Variants in MGAT4C observed in about 807,000 individuals in gnomAD.
The protein encoded by MGAT4C is MGAT4 family member C.
Under a neutral mutation model 40.1 loss-of-function variants are expected in MGAT4C, and 19 were observed. That is an observed-to-expected ratio of 0.47 (90% CI 0.33 to 0.70). MGAT4C has a LOEUF of 0.70. MGAT4C is among the 30% of genes least tolerant of loss of function. The probability of loss-of-function intolerance (pLI) is 0.02; values close to 1 mark genes in which losing one functional copy is unlikely to be tolerated. For synonymous variants in MGAT4C, 181 were observed against 187.1 expected, an observed-to-expected ratio of 0.97 and a Z score of 0.27; for missense variants, 491 against 563.2, an observed-to-expected ratio of 0.87 and a Z score of 1.30.
At chr12:86,806,440 G>A (rs1379931277) in intron 1 of MGAT4C, among the ~76,000 whole-genome samples, 1 of 90,380 alleles carries the variant, frequency 1.1e-5, no homozygotes, top group African/African-American at 3.1e-5. Flanking sequence ...CTGTGTGTGT[G>A]TGTGTGTGTG....
At chr12:86,398,483 G>A (rs1438862906) in intron 3 of MGAT4C, among the ~76,000 whole-genome samples, 1 of 151,848 alleles carries the variant, frequency 6.6e-6, no homozygotes, top group Non-Finnish European at 1.5e-5. Flanking sequence ...TACTATCATA[G>A]TATATTAACA....
intron 3 of MGAT4C, among the ~76,000 whole-genome samples, chr12:86,421,113 T>C (rs542849743): frequency 1.3e-5 from 2 of 152,208 alleles, no homozygotes; most frequent in East Asian, 1.9e-4. Flanking sequence ...AAGTAGAATA[T>C]ACACCTTTAA....
intron 1 of MGAT4C, among the ~76,000 whole-genome samples, chr12:86,828,826 A>G (rs1246182966): frequency 1.3e-5 from 2 of 151,584 alleles, no homozygotes; most frequent in African/African-American, 4.8e-5. Context: ...AGAGAAAAAA[A>G]GGAGACTAGT....
chr12:86,438,654 T>C (rs555279064), intron 2 of MGAT4C, among the ~76,000 whole-genome samples: 1 of 152,022 alleles, frequency 6.6e-6, no homozygotes, highest in Admixed American at 6.6e-5. Context: ...ATTATATAAA[T>C]GCTCCACTTA....
intron 2 of MGAT4C, among the ~76,000 whole-genome samples, chr12:86,488,701 C>A (rs1028997732): frequency 5.3e-4 from 80 of 152,210 alleles, no homozygotes; most frequent in African/African-American, 1.7e-3. Flanking sequence ...TTATTCTTCA[C>A]AACATTGCAC....
intron 3 of MGAT4C, among the ~76,000 whole-genome samples, chr12:86,376,109 T>C (rs1393312540): frequency 2.0e-5 from 3 of 150,858 alleles, no homozygotes; most frequent in Non-Finnish European, 4.4e-5. Context: ...AAAATGAGGC[T>C]GTAGGGTGGC....
Position 86,040,036 on chromosome 12 carries a change from C to T in MGAT4C, c.-7+9638G>A, listed in dbSNP as rs1891648984. Among the ~76,000 whole-genome samples, 3 of 152,184 alleles carry T rather than the reference C, an allele frequency of 2.0e-5. No individual in the cohort carries two copies. The South Asian group carries it at 6.2e-4, about 31-fold the overall frequency. On this transcript the variant is annotated intron_variant, in intron 2 of 4. Coordinates refer to ENST00000611864, the MANE Select transcript of MGAT4C (RefSeq NM_001351288.2). The stretch of plus-strand genomic sequence containing the variant: ...GAAGTCCACTGCAGACCCTGTTTGC[C>T]TGGGTACCACCGGCAGATGCTGCAG...
intron 1 of MGAT4C, among the ~76,000 whole-genome samples, chr12:86,147,347 T>C (rs1414315704): frequency 6.6e-6 from 1 of 152,170 alleles, no homozygotes; most frequent in South Asian, 2.1e-4. Flanking sequence ...GTTCACGTCA[T>C]TCTCCTGCTT....
Position 85,977,463 on chromosome 12 carries a change from T to C in MGAT4C, c.*1826A>G, listed in dbSNP as rs1884078001. On this transcript the variant is annotated 3_prime_UTR_variant, in exon 5 of 5. Transcript: ENST00000611864. The stretch of plus-strand genomic sequence containing the variant: ...AAAGATAATAATTTAGTGGCAGTGT[T>C]CATATTTTCCTATGACTGTAAGATT... The C allele has an allele frequency of 6.6e-6, 1 of 151,432 alleles. No homozygotes were observed. The highest frequency in any genetic ancestry group is 1.5e-5 in the Non-Finnish European group (1 of 67,516). 9.4% of individuals were successfully genotyped at this position (151,432 alleles called of 1,614,324 possible). A position where few individuals can be genotyped will look rare whatever the true frequency, so the allele number is the denominator to read the frequency against.
At chr12:86,020,173 T>C (rs1029688414) in intron 2 of MGAT4C, among the ~76,000 whole-genome samples, 2 of 152,224 alleles carry the variant, frequency 1.3e-5, no homozygotes, top group African/African-American at 2.4e-5. Context: ...CTTCATTGAA[T>C]ACCCTTTATC....
At chr12:86,810,345 C>T (rs1952449116) in intron 1 of MGAT4C, among the ~76,000 whole-genome samples, 1 of 151,670 alleles carries the variant, frequency 6.6e-6, no homozygotes, top group Non-Finnish European at 1.5e-5. Context: ...CCTTATTACA[C>T]TGAATAGAAT....
intron 2 of MGAT4C, among the ~76,000 whole-genome samples, chr12:86,046,679 GCAACTTTCGAGAA>G: frequency 6.6e-6 from 1 of 152,284 alleles, no homozygotes; most frequent in African/African-American, 2.4e-5. Flanking sequence ...GGGATCCCAA[GCAACTTTCGAGAA>G]CAACTGCAAG....
Position 86,488,589 on chromosome 12 carries a change from TG to T in MGAT4C, c.-228-53325del, listed in dbSNP as rs555152182. On this transcript the variant is annotated intron_variant, in intron 2 of 7. Transcript: ENST00000548651. ...CTTTATATATTTCACTTCCAATAAATGGCTTGAAGAGTTTCAGTGGTCTTCA... is the reference window on the plus strand; with the variant it reads ...CTTTATATATTTCACTTCCAATAAATGCTTGAAGAGTTTCAGTGGTCTTCA... 1.8e-3 allele frequency among the ~76,000 whole-genome samples: 268 copies of T among 152,280 alleles called. 2 individuals carry two copies. The highest frequency in any genetic ancestry group is 6.1e-3 in the African/African-American group (254 of 41,576).
chr12:86,558,838 A>G (rs962916852), intron 2 of MGAT4C, among the ~76,000 whole-genome samples: 6 of 152,012 alleles, frequency 3.9e-5, no homozygotes, highest in Non-Finnish European at 7.4e-5. Context: ...TGAGAAAACA[A>G]TTAACAAAAT....
At chr12:86,715,696 A>T (rs1351396092) in intron 2 of MGAT4C, among the ~76,000 whole-genome samples, 2 of 152,092 alleles carry the variant, frequency 1.3e-5, no homozygotes, top group Non-Finnish European at 2.9e-5. Context: ...TACTGTACAC[A>T]CAGCTAAGGA....
chr12:86,689,809 A>C (rs1341079763), intron 2 of MGAT4C, among the ~76,000 whole-genome samples: 4 of 152,198 alleles, frequency 2.6e-5, no homozygotes, highest in Non-Finnish European at 5.9e-5. Flanking sequence ...CCACTTGAGC[A>C]GGCAGTCTGT....
intron 2 of MGAT4C, among the ~76,000 whole-genome samples, chr12:86,521,815 T>A (rs1592947929): frequency 6.6e-6 from 1 of 152,116 alleles, no homozygotes; most frequent in Admixed American, 6.6e-5. Flanking sequence ...TAGAGATATT[T>A]CACCTCCTTG....
At chr12:86,387,479 T>C (rs375954819) in intron 3 of MGAT4C, among the ~76,000 whole-genome samples, 1 of 152,118 alleles carries the variant, frequency 6.6e-6, no homozygotes, top group African/African-American at 2.4e-5. Context: ...CAAAATATTA[T>C]GGAAATATAT....
chr12:86,817,455 T>C (rs941185709), intron 1 of MGAT4C, among the ~76,000 whole-genome samples: 4 of 151,582 alleles, frequency 2.6e-5, no homozygotes, highest in Admixed American at 6.6e-5. Flanking sequence ...TGTATTCTTC[T>C]ACATCTGTTG....
Sources: gnomAD v4.1 joint callset for allele counts (sites outside exome capture counted in the v4.1 genomes callset) on GRCh38, gnomAD v4.1.1 for gene constraint, MANE v1.5 for transcripts, NCBI Gene and HGNC (gene_info 2026-07-23, HGNC 2026-07-21) for gene names.